Variants in CTNNA2 observed in about 807,000 individuals in gnomAD.
CTNNA2 encodes catenin alpha-2.
Under a neutral mutation model 101.0 loss-of-function variants are expected in CTNNA2, and 42 were observed. The ratio of observed to expected loss-of-function variants is 0.42; its 90% CI spans 0.32 to 0.54. The LOEUF (loss-of-function observed/expected upper bound fraction) is 0.54. CTNNA2 is among the 20% of genes least tolerant of loss of function. CTNNA2 has a pLI of 0.14. For missense variants in CTNNA2, 871 were observed against 1,223.1 expected (o/e 0.71, Z 4.29); for synonymous variants, 450 against 456.4 (o/e 0.99, Z 0.18).
intron 7 of CTNNA2, among the ~76,000 whole-genome samples, chr2:79,990,761 A>T (rs1207165849): frequency 6.6e-6 from 1 of 152,124 alleles, no homozygotes; most frequent in African/African-American, 2.4e-5. Context: ...TGTCTCTGCC[A>T]GGCTTTGGTA....
At chr2:80,570,277 G>T (rs559564659) in intron 12 of CTNNA2, among the ~76,000 whole-genome samples, 2 of 152,224 alleles carry the variant, frequency 1.3e-5, no homozygotes, top group East Asian at 3.9e-4. Flanking sequence ...TTGAACTCCA[G>T]ACCTCAGGTG....
chr2:80,585,698 A>G (rs1345532169), intron 14 of CTNNA2, among the ~76,000 whole-genome samples: 1 of 152,196 alleles, frequency 6.6e-6, no homozygotes, highest in Non-Finnish European at 1.5e-5. Flanking sequence ...GCTGAGTTAC[A>G]TTGATAAGAC....
intron 3 of CTNNA2, among the ~76,000 whole-genome samples, chr2:79,363,414 A>G (rs796212888): frequency 7.9e-5 from 12 of 152,310 alleles, no homozygotes; most frequent in African/African-American, 2.4e-4. Flanking sequence ...AAAAGGACAC[A>G]TACACTCAGT....
At chr2:80,369,049 T>A (rs574675155) in intron 7 of CTNNA2, among the ~76,000 whole-genome samples, 1 of 152,082 alleles carries the variant, frequency 6.6e-6, no homozygotes, top group East Asian at 1.9e-4. Context: ...GAGCAATACT[T>A]TGAAGAACAG....
chr2:79,766,987 C>G (rs866385891), intron 3 of CTNNA2, among the ~76,000 whole-genome samples: 13 of 151,998 alleles, frequency 8.6e-5, no homozygotes, highest in African/African-American at 3.1e-4. Context: ...AACTCCTGAC[C>G]TCGTGATCCG....
chr2:80,319,055 A>T (rs1678420800), intron 7 of CTNNA2, among the ~76,000 whole-genome samples: 1 of 152,204 alleles, frequency 6.6e-6, no homozygotes, highest in African/African-American at 2.4e-5. Context: ...CCCTTTATCA[A>T]ACCCCATCAC....
intron 4 of CTNNA2, among the ~76,000 whole-genome samples, chr2:79,436,029 C>T (rs945308903): frequency 1.3e-5 from 2 of 151,988 alleles, no homozygotes; most frequent in African/African-American, 4.8e-5. Context: ...CACACGGGTT[C>T]CTGACCACTC....
chr2:80,330,367 T>G (rs1268551894), intron 7 of CTNNA2, among the ~76,000 whole-genome samples: 1 of 152,200 alleles, frequency 6.6e-6, no homozygotes, highest in Non-Finnish European at 1.5e-5. Context: ...AACTTGTACT[T>G]AGCTAAGAGA....
rs80181079 is a variant in CTNNA2 at position 79,687,997 on chromosome 2, G to A, written c.102+36339G>A. Among the ~76,000 whole-genome samples, 1,081 of 152,158 alleles carry A rather than the reference G, an allele frequency of 7.1e-3. 40 individuals carry two copies. The East Asian group carries it at 0.096, about 13-fold the overall frequency. On this transcript the variant is annotated intron_variant, in intron 2 of 18. Transcript: ENST00000402739. ...AGAGCATCTTGTCTGTGTCAACTTC[G>A]ATTTGAGAGGAGGGAAAAAAAGTTT...
intron 3 of CTNNA2, among the ~76,000 whole-genome samples, chr2:79,806,643 G>C (rs1347770439): frequency 1.3e-5 from 2 of 151,848 alleles, no homozygotes; most frequent in Non-Finnish European, 2.9e-5. Flanking sequence ...AGAACCCTGC[G>C]ACTGCCCCAG....
chr2:79,319,249 C>G (rs1229073968), intron 3 of CTNNA2, among the ~76,000 whole-genome samples: 1 of 152,172 alleles, frequency 6.6e-6, no homozygotes, highest in Non-Finnish European at 1.5e-5. Flanking sequence ...ACCTGTTGCT[C>G]TCTCCTCCAG....
intron 1 of CTNNA2, among the ~76,000 whole-genome samples, chr2:79,609,091 G>A (rs1003233236): frequency 5.3e-5 from 8 of 151,816 alleles, no homozygotes; most frequent in South Asian, 2.1e-4. Context: ...ATTTATAATA[G>A]CATCAAAACA....
At chr2:80,543,667 G>T (rs993176665) in intron 9 of CTNNA2, among the ~76,000 whole-genome samples, 1 of 152,272 alleles carries the variant, frequency 6.6e-6, no homozygotes, top group South Asian at 2.1e-4. Context: ...GATGCCCAGT[G>T]GTTGAACTTC....
At chr2:80,172,250 T>G (rs1206541277) in intron 7 of CTNNA2, among the ~76,000 whole-genome samples, 2 of 152,206 alleles carry the variant, frequency 1.3e-5, no homozygotes, top group Non-Finnish European at 2.9e-5. Context: ...AATTTATGCT[T>G]GTATATGAAC....
At chr2:79,592,992 A>C (rs947538403) in intron 1 of CTNNA2, among the ~76,000 whole-genome samples, 1 of 152,236 alleles carries the variant, frequency 6.6e-6, no homozygotes, top group Non-Finnish European at 1.5e-5. Context: ...GGAGAAGCCA[A>C]GCTACGCATA....
intron 6 of CTNNA2, among the ~76,000 whole-genome samples, chr2:79,879,088 A>T (rs778263158): frequency 6.6e-6 from 1 of 152,058 alleles, no homozygotes; most frequent in Non-Finnish European, 1.5e-5. Flanking sequence ...TTATTTCCCC[A>T]TTGCTTGTTT....
Position 79,252,582 on chromosome 2 carries a change from G to A in CTNNA2, c.-406+54506G>A, listed in dbSNP as rs1019566020. Reference sequence around the variant, plus strand: ...CCCAGGACCATTTCCTGAGTAATTCGAGCTTCATTTGTAAGTTTTTTTAAT... The same window carrying A: ...CCCAGGACCATTTCCTGAGTAATTCAAGCTTCATTTGTAAGTTTTTTTAAT... On this transcript the variant is annotated intron_variant, in intron 2 of 21. Transcript: ENST00000466387. Among the ~76,000 whole-genome samples, 6 of 151,838 alleles carry A rather than the reference G, an allele frequency of 4.0e-5. No individual in the cohort carries two copies. The East Asian group carries it at 5.8e-4, about 15-fold the overall frequency.
At chr2:79,595,459 T>C (rs1353834484) in intron 1 of CTNNA2, among the ~76,000 whole-genome samples, 1 of 152,180 alleles carries the variant, frequency 6.6e-6, no homozygotes, top group East Asian at 1.9e-4. Flanking sequence ...ATTCAGTACA[T>C]CTAAAATTAA....
intron 2 of CTNNA2, among the ~76,000 whole-genome samples, chr2:79,287,832 C>A (rs1368589513): frequency 6.6e-6 from 1 of 151,724 alleles, no homozygotes; most frequent in African/African-American, 2.4e-5. Flanking sequence ...CAATGGCGGG[C>A]GCCCCTCCCC....
Sources: allele counts gnomAD v4.1 joint callset (sites outside exome capture counted in the v4.1 genomes callset), GRCh38; gene constraint gnomAD v4.1.1; transcripts MANE v1.5; gene names NCBI Gene and HGNC (gene_info 2026-07-23, HGNC 2026-07-21).